The following ADGRB3 variants were observed in gnomAD, a reference collection of about 807,000 sequenced individuals.
ADGRB3 encodes adhesion G protein-coupled receptor B3, also known as brain-specific angiogenesis inhibitor 3.
A neutral mutation model predicts 193.4 loss-of-function variants in ADGRB3; 37 were observed. The ratio of observed to expected loss-of-function variants is 0.19; its 90% CI spans 0.15 to 0.25. ADGRB3 has a LOEUF of 0.25. ADGRB3 is among the 10% of genes least tolerant of loss of function. The pLI is 1.00. For missense variants in ADGRB3, 1,637 were observed against 1,852.9 expected (o/e 0.88, Z 2.14); for synonymous variants, 690 against 644.2 (o/e 1.07, Z -1.08).
intron 3 of ADGRB3, among the ~76,000 whole-genome samples, chr6:68,656,339 A>G (rs561433710): frequency 1.3e-5 from 2 of 151,704 alleles, no homozygotes; most frequent in Non-Finnish European, 3.0e-5. Context: ...AGATTTTGAC[A>G]TTACTGTGTG....
chr6:69,298,421 AAATAT>A (rs1180286989), intron 20 of ADGRB3, among the ~76,000 whole-genome samples: 1 of 152,024 alleles, frequency 6.6e-6, no homozygotes, highest in Non-Finnish European at 1.5e-5. Context: ...CTGGTTTTTG[AAATAT>A]ACAATAAATT....
At chr6:69,369,446 T>C (rs1582662097) in intron 29 of ADGRB3, among the ~76,000 whole-genome samples, 1 of 152,148 alleles carries the variant, frequency 6.6e-6, no homozygotes, top group African/African-American at 2.4e-5. Context: ...GCCTGTAATC[T>C]CAGCACTTTG....
intron 30 of ADGRB3, among the ~76,000 whole-genome samples, chr6:69,382,496 T>A (rs904571304): frequency 6.6e-6 from 1 of 151,976 alleles, no homozygotes. Flanking sequence ...TTTAAACATT[T>A]TAAAAATATG....
intron 16 of ADGRB3, among the ~76,000 whole-genome samples, chr6:69,071,709 G>A (rs955095433): frequency 6.6e-6 from 1 of 152,106 alleles, no homozygotes; most frequent in African/African-American, 2.4e-5. Flanking sequence ...CATTTTGTAT[G>A]TCAACAAATA....
chr6:69,265,436 T>C (rs1767020026), intron 20 of ADGRB3, among the ~76,000 whole-genome samples: 1 of 151,880 alleles, frequency 6.6e-6, no homozygotes. Flanking sequence ...TTAAACAACC[T>C]TGCAGGTCCT....
intron 17 of ADGRB3, among the ~76,000 whole-genome samples, chr6:69,115,766 G>C (rs74963434): frequency 1.3e-5 from 2 of 152,160 alleles, no homozygotes; most frequent in African/African-American, 2.4e-5. Flanking sequence ...GGCATCCACT[G>C]CTGTATTTAA....
chr6:69,193,981 T>G (rs1288447447), intron 17 of ADGRB3, among the ~76,000 whole-genome samples: 2 of 152,080 alleles, frequency 1.3e-5, no homozygotes, highest in Non-Finnish European at 2.9e-5. Context: ...ATCATCTGTC[T>G]TCTTCATCAT....
intron 3 of ADGRB3, among the ~76,000 whole-genome samples, chr6:68,767,722 C>G (rs1426515504): frequency 6.6e-6 from 1 of 151,978 alleles, no homozygotes; most frequent in Admixed American, 6.6e-5. Flanking sequence ...AATAAAGGGT[C>G]TTCAAATAGG....
chr6:69,087,080 G>C lies in ADGRB3; in HGVS notation c.2480+11042G>C, dbSNP rs534074524. Among the ~76,000 whole-genome samples, 43 of 152,154 alleles carry C rather than the reference G, an allele frequency of 2.8e-4. 1 individual carries two copies. The highest frequency in any genetic ancestry group is 1.4e-3 in the Admixed American group (21 of 15,276). ...TTTTCCAGAATTATACACACATATA[G>C]ATCCTTTACACGTTCTAACTTGAGC... On this transcript the variant is annotated intron_variant, in intron 17 of 31. Coordinates refer to ENST00000370598, the MANE Select transcript of ADGRB3 (RefSeq NM_001704.3).
At position 69,018,379 on chromosome 6, in the gene ADGRB3, T is replaced by C. The variant is rs573232417; in HGVS notation, c.1999-12T>C. 5 of 1,548,948 alleles carry C rather than the reference T, an allele frequency of 3.2e-6. No homozygotes were observed. The highest frequency in any genetic ancestry group is 3.5e-6 in the Non-Finnish European group (4 of 1,130,128). On this transcript the variant is annotated splice_polypyrimidine_tract_variant and intron_variant, in intron 12 of 31. Transcript: ENST00000370598. ...ATTTTTTATTCCTTCTAACCTTTGC[T>C]TATTTTTCTAGATTTATCCAGGGTC... is the stretch of plus-strand genomic sequence containing the variant.
intron 20 of ADGRB3, among the ~76,000 whole-genome samples, chr6:69,288,662 C>T (rs1247196569): frequency 6.6e-6 from 1 of 152,102 alleles, no homozygotes; most frequent in Non-Finnish European, 1.5e-5. Context: ...GATGTGTCTC[C>T]CCAAGGGAGT....
intron 3 of ADGRB3, among the ~76,000 whole-genome samples, chr6:68,890,297 T>C (rs1410070477): frequency 6.6e-6 from 1 of 152,210 alleles, no homozygotes; most frequent in African/African-American, 2.4e-5. Flanking sequence ...TGATGTTCAA[T>C]TTAAATCCTT....
At chr6:68,949,639 A>C (rs1186297082) in intron 6 of ADGRB3, among the ~76,000 whole-genome samples, 4 of 152,126 alleles carry the variant, frequency 2.6e-5, no homozygotes, top group Admixed American at 2.0e-4. Flanking sequence ...TGTTTGCATG[A>C]GGTTGTTATA....
intron 17 of ADGRB3, among the ~76,000 whole-genome samples, chr6:69,148,813 T>G (rs533012789): frequency 1.3e-5 from 2 of 152,314 alleles, no homozygotes; most frequent in African/African-American, 4.8e-5. Flanking sequence ...TATGCTATTA[T>G]AGGTTAAAAG....
intron 20 of ADGRB3, among the ~76,000 whole-genome samples, chr6:69,312,325 A>G (rs1222335123): frequency 1.3e-5 from 2 of 151,944 alleles, no homozygotes; most frequent in South Asian, 2.1e-4. Flanking sequence ...TAGCAAACAC[A>G]GAAGGAAGAA....
At chr6:68,726,870 G>A (rs978794042) in intron 3 of ADGRB3, among the ~76,000 whole-genome samples, 3 of 151,518 alleles carry the variant, frequency 2.0e-5, no homozygotes, top group African/African-American at 7.3e-5. Context: ...AACCCCAACT[G>A]TGATATATTA....
At chr6:68,798,466 AGTTGGGT>A (rs1767251844) in intron 3 of ADGRB3, among the ~76,000 whole-genome samples, 1 of 139,134 alleles carries the variant, frequency 7.2e-6, no homozygotes, top group Admixed American at 8.0e-5. Context: ...TTCTTGTGAT[AGTTGGGT>A]GTTGAACTAT....
chr6:69,318,426 C>A (rs1201112540), intron 20 of ADGRB3, among the ~76,000 whole-genome samples: 2 of 151,388 alleles, frequency 1.3e-5, no homozygotes, highest in East Asian at 3.9e-4. Flanking sequence ...ACTGGACCCA[C>A]TCTGATTTGA....
At chr6:69,203,864 T>C (rs891962714) in intron 17 of ADGRB3, among the ~76,000 whole-genome samples, 1 of 152,168 alleles carries the variant, frequency 6.6e-6, no homozygotes, top group Non-Finnish European at 1.5e-5. Flanking sequence ...ATCCTTCTGC[T>C]CTTATGTACA....
Sources: allele counts gnomAD v4.1 joint callset (sites outside exome capture counted in the v4.1 genomes callset), GRCh38; gene constraint gnomAD v4.1.1; transcripts MANE v1.5; gene names NCBI Gene and HGNC (gene_info 2026-07-23, HGNC 2026-07-21).